The following ZFHX3 variants were observed in gnomAD, a reference collection of about 807,000 sequenced individuals.
The protein encoded by ZFHX3 is zinc finger homeobox protein 3.
A neutral mutation model predicts 279.1 loss-of-function variants in ZFHX3; 42 were observed. The ratio of observed to expected loss-of-function variants is 0.15; its 90% CI spans 0.12 to 0.19. ZFHX3 has a LOEUF of 0.19. Among genes scored for constraint, ZFHX3 ranks in the 10% least tolerant of loss-of-function variants. The pLI, the probability that ZFHX3 is intolerant of heterozygous loss-of-function variation, is 1.00. For missense variants in ZFHX3, 4,981 were observed against 4,754.0 expected (o/e 1.05, Z -1.40); for synonymous variants, 2,293 against 1,957.8 (o/e 1.17, Z -4.52).
chr16:73,684,469 C>T (rs1026817), intron 1 of ZFHX3, among the ~76,000 whole-genome samples: 67,896 of 151,722 alleles, frequency 0.45, 17,357 homozygotes, highest in East Asian at 0.71. Flanking sequence ...TCTGAGCATC[C>T]TAGAAGCCAA....
chr16:72,866,247 C>T (rs2038020612), intron 4 of ZFHX3, among the ~76,000 whole-genome samples: 1 of 152,174 alleles, frequency 6.6e-6, no homozygotes, highest in Admixed American at 6.5e-5. Context: ...AAGAAGGTTG[C>T]ACCCACTATG....
At chr16:73,600,999 C>T (rs2052108629) in intron 2 of ZFHX3, among the ~76,000 whole-genome samples, 2 of 100,270 alleles carry the variant, frequency 2.0e-5, no homozygotes, top group South Asian at 7.8e-4. Flanking sequence ...TGAGTGATAG[C>T]CTTTTTTGTT....
chr16:73,382,214 G>A (rs947869175), intron 3 of ZFHX3, among the ~76,000 whole-genome samples: 2 of 152,168 alleles, frequency 1.3e-5, no homozygotes, highest in East Asian at 1.9e-4. Context: ...ATTATATTAC[G>A]AAGGGTATCC....
intron 7 of ZFHX3, among the ~76,000 whole-genome samples, chr16:73,106,396 G>A (rs1966305202): frequency 6.6e-6 from 1 of 152,018 alleles, no homozygotes; most frequent in Non-Finnish European, 1.5e-5. Context: ...TTTTGTTCTA[G>A]CAGGATGAGA....
At chr16:72,960,282 T>C (rs1305475679) in intron 1 of ZFHX3, 88 bp from the exon 2 acceptor site, 1 of 1,089,848 alleles carries the variant, frequency 9.2e-7, no homozygotes, top group South Asian at 1.9e-5. Flanking sequence ...GCTGAGGTCC[T>C]ACCGCACGGA....
At chr16:72,918,820 T>C (rs1050033225) in intron 3 of ZFHX3, among the ~76,000 whole-genome samples, 3 of 151,590 alleles carry the variant, frequency 2.0e-5, no homozygotes, top group African/African-American at 7.3e-5. Context: ...CTCAGCCTCC[T>C]GAGTAGCTGG....
Position 73,729,444 on chromosome 16 carries a change from G to T in ZFHX3, c.-1607-49204C>A, listed in dbSNP as rs144753979. 2.0e-5 allele frequency among the ~76,000 whole-genome samples: 3 copies of T among 152,006 alleles called. No homozygotes were observed. In the East Asian group the frequency reaches 5.8e-4, roughly 29 times the overall value. On this transcript the variant is annotated intron_variant, in intron 1 of 17. Coordinates refer to the ZFHX3 transcript ENST00000641206. The stretch of plus-strand genomic sequence containing the variant: ...CTTGGGAGGCTGAGTCTGGAGAATC[G>T]CTTGAACCTGGGCGGCAGAGGCTGT...
intron 1 of ZFHX3, among the ~76,000 whole-genome samples, chr16:73,684,384 C>A (rs1001560058): frequency 6.6e-6 from 1 of 150,992 alleles, no homozygotes; most frequent in Non-Finnish European, 1.5e-5. Context: ...ACTTTAGGAG[C>A]GAATTAGACT....
chr16:73,648,410 TAG>T (rs1222992305), intron 2 of ZFHX3, among the ~76,000 whole-genome samples: 1 of 152,124 alleles, frequency 6.6e-6, no homozygotes, highest in Non-Finnish European at 1.5e-5. Flanking sequence ...TTTTCTGAGA[TAG>T]AGTTTCACTC....
At chr16:72,907,541 CTATTTGTG>C (rs2039207531) in intron 3 of ZFHX3, among the ~76,000 whole-genome samples, 1 of 117,190 alleles carries the variant, frequency 8.5e-6, no homozygotes, top group African/African-American at 3.7e-5. Context: ...AAGGTTTCCT[CTATTTGTG>C]TGTGTGTGTG....
chr16:73,840,890 G>A (rs1348605989), intron 1 of ZFHX3, among the ~76,000 whole-genome samples: 1 of 152,158 alleles, frequency 6.6e-6, no homozygotes, highest in Non-Finnish European at 1.5e-5. Flanking sequence ...TTGGGGAAGA[G>A]GTGGGTAGGT....
chr16:73,728,880 A>G (rs2053544921), intron 1 of ZFHX3, among the ~76,000 whole-genome samples: 1 of 151,682 alleles, frequency 6.6e-6, no homozygotes, highest in Admixed American at 6.6e-5. Flanking sequence ...TAAACCATGA[A>G]AATCATGCAT....
chr16:73,495,453 A>T lies in ZFHX3; in HGVS notation c.-1546-39195T>A, dbSNP rs534182119. On this transcript the variant is annotated intron_variant, in intron 2 of 17. Transcript: ENST00000641206. ...TCTGTCTGACAAAAATGCTTTGGCT[A>T]AAATGGAACGGCTGAAATCCTCCTT... 3.2e-4 allele frequency among the ~76,000 whole-genome samples: 49 copies of T among 152,350 alleles called. 1 individual carries two copies. The highest frequency in any genetic ancestry group is 6.5e-4 in the Admixed American group (10 of 15,300).
chr16:73,040,179 C>A (rs1167497193), intron 1 of ZFHX3, among the ~76,000 whole-genome samples: 1 of 152,082 alleles, frequency 6.6e-6, no homozygotes, highest in Non-Finnish European at 1.5e-5. Flanking sequence ...CCATGCCTGA[C>A]CACACAGGCT....
At chr16:73,391,135 G>C (rs2017004507) in intron 3 of ZFHX3, among the ~76,000 whole-genome samples, 1 of 152,192 alleles carries the variant, frequency 6.6e-6, no homozygotes, top group Non-Finnish European at 1.5e-5. Flanking sequence ...AGCCACCTTG[G>C]GCGGACAGGC....
intron 5 of ZFHX3, chr16:72,821,951 A>G (rs1231502324): frequency 1.3e-5 from 2 of 152,190 alleles, no homozygotes; most frequent in Non-Finnish European, 2.9e-5. Flanking sequence ...TCCAATGAAG[A>G]GCGGAAAGCC....
At chr16:72,854,938 T>TGGGGG (rs373623618) in intron 4 of ZFHX3, among the ~76,000 whole-genome samples, 10 of 73,882 alleles carry the variant, frequency 1.4e-4, no homozygotes, top group East Asian at 4.9e-4. Context: ...AATTGGTGGG[T>TGGGGG]GGGGGGGGGG....
At chr16:72,843,338 G>C (rs536283677) in intron 4 of ZFHX3, among the ~76,000 whole-genome samples, 1 of 151,768 alleles carries the variant, frequency 6.6e-6, no homozygotes, top group Non-Finnish European at 1.5e-5. Context: ...GTGAAACCCC[G>C]TCTCTACTAA....
chr16:73,219,015 C>T (rs1048826659), intron 5 of ZFHX3, among the ~76,000 whole-genome samples: 2 of 152,184 alleles, frequency 1.3e-5, no homozygotes, highest in African/African-American at 4.8e-5. Context: ...TTTGTCCATT[C>T]TAGATATTTC....
Sources: gnomAD v4.1 joint callset for allele counts (sites outside exome capture counted in the v4.1 genomes callset) on GRCh38, gnomAD v4.1.1 for gene constraint, MANE v1.5 for transcripts, NCBI Gene and HGNC (gene_info 2026-07-23, HGNC 2026-07-21) for gene names.